The following UBR3 variants were observed in gnomAD, a reference collection of about 807,000 sequenced individuals.
The protein encoded by UBR3 is ubiquitin protein ligase E3 component n-recognin 3, also known as E3 ubiquitin-protein ligase UBR3.
Under a neutral mutation model 243.2 loss-of-function variants are expected in UBR3, and 85 were observed. The ratio of observed to expected loss-of-function variants is 0.35; its 90% CI spans 0.29 to 0.42. The LOEUF (loss-of-function observed/expected upper bound fraction) is 0.42, where lower values mean the gene tolerates loss of function less well. UBR3 is among the 10% of genes least tolerant of loss of function. The pLI is 1.00. For missense variants in UBR3, 1,686 were observed against 2,300.8 expected (o/e 0.73, Z 5.47); for synonymous variants, 748 against 799.8 (o/e 0.94, Z 1.09).
chr2:169,942,672 A>C, intron 20 of UBR3, 38 bp downstream of exon 20: 1 of 1,456,966 alleles, frequency 6.9e-7, no homozygotes, highest in South Asian at 1.5e-5. Flanking sequence ...TAAGCTTAGA[A>C]TTTATTTTCA....
Position 170,082,034 on chromosome 2 carries a change from G to T in UBR3, c.*191G>T. ...GTATAATTTTTTTTTTTTAATATCT[G>T]GAGAACATTAATAACAAGTTAAATT... On this transcript the variant is annotated 3_prime_UTR_variant, in exon 39 of 39. Coordinates refer to ENST00000272793, the MANE Select transcript of UBR3 (RefSeq NM_172070.4). 1 of 397,550 alleles carries T rather than the reference G, an allele frequency of 2.5e-6. No homozygotes were observed. Among genetic ancestry groups the T allele is most frequent in the Non-Finnish European group, 4.5e-6 (1 of 222,886 alleles). The allele number at this position is 397,550 out of a possible 1,614,324, so 24.6% of individuals were successfully genotyped here. A position where few individuals can be genotyped will look rare whatever the true frequency, so the allele number is the denominator to read the frequency against.
intron 20 of UBR3, 110 bp downstream of exon 20, chr2:169,942,744 A>G (rs2086639829): frequency 8.9e-7 from 1 of 1,124,468 alleles, no homozygotes; most frequent in South Asian, 2.3e-5. Context: ...AAGTGTATTT[A>G]TGCATTTAAG....
At chr2:170,077,527 C>G in intron 36 of UBR3, 1 of 847,872 alleles carries the variant, frequency 1.2e-6, no homozygotes, top group Non-Finnish European at 1.8e-6. Flanking sequence ...TCTTGTAAAG[C>G]CATCTCCAAC....
In UBR3 at chr2:170,082,856, G is replaced by T. The variant is rs868331940; in HGVS notation, c.*1013G>T. On this transcript the variant is annotated 3_prime_UTR_variant, in exon 39 of 39. Coordinates refer to ENST00000272793, the MANE Select transcript of UBR3 (RefSeq NM_172070.4). Reference sequence around the variant, plus strand: ...TCGGTTTCCTAAAAGGAAAAAAAAGGCGCAGTGGTGATGACCCTCATGAAT... The same window carrying T: ...TCGGTTTCCTAAAAGGAAAAAAAAGTCGCAGTGGTGATGACCCTCATGAAT... The T allele has an allele frequency of 6.6e-6, 1 of 152,314 alleles. No homozygotes were observed. The highest frequency in any genetic ancestry group is 1.5e-5 in the Non-Finnish European group (1 of 68,008). The allele number at this position is 152,314 out of a possible 1,614,324, so 9.4% of individuals were successfully genotyped here.
chr2:169,882,242 GTA>G (rs2083904961), intron 5 of UBR3, among the ~76,000 whole-genome samples: 1 of 128,214 alleles, frequency 7.8e-6, no homozygotes, highest in South Asian at 2.4e-4. Flanking sequence ...TATTTATATT[GTA>G]TATGTATATA....
chr2:169,893,146 C>T (rs548034610), intron 6 of UBR3, among the ~76,000 whole-genome samples: 1 of 152,298 alleles, frequency 6.6e-6, no homozygotes, highest in African/African-American at 2.4e-5. Flanking sequence ...CTGACATCAC[C>T]TATTTTAAGA....
intron 29 of UBR3, among the ~76,000 whole-genome samples, chr2:170,012,671 T>TC (rs1336117093): frequency 2.2e-4 from 11 of 50,474 alleles, no homozygotes; most frequent in Non-Finnish European, 3.6e-4. Context: ...ATGAAGATAC[T>TC]GGTTTTTTTT....
intron 10 of UBR3, among the ~76,000 whole-genome samples, chr2:169,909,729 A>ATG (rs769259598): frequency 9.7e-4 from 118 of 122,116 alleles, no homozygotes; most frequent in South Asian, 9.1e-3. Context: ...CCCACAATGC[A>ATG]TGTGTGTGTG....
intron 1 of UBR3, among the ~76,000 whole-genome samples, chr2:169,843,850 T>A (rs543435301): frequency 3.9e-5 from 6 of 152,344 alleles, no homozygotes; most frequent in Non-Finnish European, 7.3e-5. Context: ...TGTAAGAGTT[T>A]GTGTAGAATA....
At chr2:170,034,459 C>G (rs1156424754) in intron 31 of UBR3, among the ~76,000 whole-genome samples, 1 of 151,970 alleles carries the variant, frequency 6.6e-6, no homozygotes, top group Non-Finnish European at 1.5e-5. Flanking sequence ...TGGATTCTTT[C>G]ATTTGGTAAT....
intron 30 of UBR3, among the ~76,000 whole-genome samples, chr2:170,017,498 C>A (rs73019533): frequency 6.7e-6 from 1 of 148,324 alleles, no homozygotes; most frequent in Non-Finnish European, 1.5e-5. Flanking sequence ...GAGAGGATTG[C>A]GTAATGCCTG....
chr2:170,029,653 C>A (rs1195189625), intron 31 of UBR3, among the ~76,000 whole-genome samples: 1 of 151,960 alleles, frequency 6.6e-6, no homozygotes, highest in Admixed American at 6.6e-5. Context: ...GTGAGAAAAT[C>A]TTTTAAAGAA....
chr2:170,013,083 C>G (rs2090132287), intron 29 of UBR3, among the ~76,000 whole-genome samples: 1 of 151,994 alleles, frequency 6.6e-6, no homozygotes, highest in African/African-American at 2.4e-5. Flanking sequence ...AGAAAAGAGT[C>G]TGCTTTTCTT....
At position 169,839,675 on chromosome 2, in the gene UBR3, A is replaced by G. The variant is rs112631681; in HGVS notation, c.545+11623A>G. Among the ~76,000 whole-genome samples, 1,458 of 152,348 alleles carry G rather than the reference A, an allele frequency of 9.6e-3. 18 individuals are homozygous for G. Among genetic ancestry groups the G allele is most frequent in the African/African-American group, 0.033 (1,392 of 41,576 alleles). On this transcript the variant is annotated intron_variant, in intron 1 of 38. Coordinates refer to ENST00000272793, the MANE Select transcript of UBR3 (RefSeq NM_172070.4). ...ATTATGCATCAAATAAAACACACAC[A>G]CACACATATAGTGCAATGGTGAGAG...
At chr2:170,003,299 C>T (rs930741427) in intron 27 of UBR3, among the ~76,000 whole-genome samples, 3 of 152,186 alleles carry the variant, frequency 2.0e-5, no homozygotes, top group Admixed American at 2.0e-4. Context: ...CTCTTGCTGT[C>T]TTCCTCCTGA....
At chr2:169,929,200 A>T (rs563362232) in intron 18 of UBR3, among the ~76,000 whole-genome samples, 1 of 152,214 alleles carries the variant, frequency 6.6e-6, no homozygotes, top group African/African-American at 2.4e-5. Context: ...AATATTTTGA[A>T]TGTATTTACT....
chr2:169,994,649 TG>T (rs2105394619), intron 26 of UBR3, among the ~76,000 whole-genome samples, 193 bp downstream of exon 26: 1 of 152,362 alleles, frequency 6.6e-6, no homozygotes, highest in East Asian at 1.9e-4. Flanking sequence ...GTGATACCTT[TG>T]TTTTAAATGT....
intron 30 of UBR3, among the ~76,000 whole-genome samples, chr2:170,016,220 A>G (rs1241724504): frequency 6.6e-6 from 1 of 151,904 alleles, no homozygotes; most frequent in Non-Finnish European, 1.5e-5. Flanking sequence ...AATTGATTCC[A>G]AAGCAAAGGG....
intron 26 of UBR3, among the ~76,000 whole-genome samples, chr2:169,999,587 C>T (rs2089617727): frequency 6.6e-6 from 1 of 152,118 alleles, no homozygotes; most frequent in South Asian, 2.1e-4. Context: ...GTTGCCAGTC[C>T]TGTTAGATCT....
Sources: gnomAD v4.1 joint callset for allele counts (sites outside exome capture counted in the v4.1 genomes callset) on GRCh38, gnomAD v4.1.1 for gene constraint, MANE v1.5 for transcripts, NCBI Gene and HGNC (gene_info 2026-07-23, HGNC 2026-07-21) for gene names.